MEIOSIN: variants seen among roughly 807,000 people sequenced by gnomAD.
The protein encoded by MEIOSIN is meiosis initiator protein.
In MEIOSIN, 18 loss-of-function variants were observed where a neutral mutation model predicts 23.4. The ratio of observed to expected loss-of-function variants is 0.77; its 90% CI spans 0.53 to 1.14. The LOEUF is 1.14. Among genes scored for constraint, MEIOSIN ranks in the 50% most tolerant of loss-of-function variants. The probability of loss-of-function intolerance (pLI) is 0.00; values close to 1 mark genes in which losing one functional copy is unlikely to be tolerated. For synonymous variants in MEIOSIN, 187 were observed against 100.6 expected (o/e 1.86, Z -5.14); for missense variants, 428 against 242.9 (o/e 1.76, Z -5.07).
intron 2 of MEIOSIN, among the ~76,000 whole-genome samples, chr19:45,737,878 C>T (rs558582300): frequency 2.6e-4 from 39 of 151,352 alleles, no homozygotes; most frequent in South Asian, 1.5e-3. Context: ...GCCGAGATCG[C>T]GCCATTGCAC....
chr19:45,762,638 AC>A (rs1968969858), intron 13 of MEIOSIN, among the ~76,000 whole-genome samples: 1 of 151,924 alleles, frequency 6.6e-6, no homozygotes, highest in African/African-American at 2.4e-5. Context: ...ACAGGGTTTC[AC>A]CATGTTGGCC....
At chr19:45,736,366 T>C (rs1968408140) in intron 2 of MEIOSIN, among the ~76,000 whole-genome samples, 1 of 151,996 alleles carries the variant, frequency 6.6e-6, no homozygotes, top group African/African-American at 2.4e-5. Context: ...CTTTCTTTCT[T>C]TCCTTTTTTT....
Position 45,758,863 on chromosome 19 carries a change from C to T in MEIOSIN, c.1013-15C>T, listed in dbSNP as rs1305526987. ...ATCTCTGGCCACACCCCTGAGTCTGCTGTTCCCTTTCCAGGGAGCCCACTG... is the reference window on the plus strand; with the variant it reads ...ATCTCTGGCCACACCCCTGAGTCTGTTGTTCCCTTTCCAGGGAGCCCACTG... On this transcript the variant is annotated splice_polypyrimidine_tract_variant and intron_variant, in intron 9 of 14. Transcript: ENST00000457052. 1 of 702,832 alleles carries T rather than the reference C, an allele frequency of 1.4e-6. No homozygotes were observed. The highest frequency in any genetic ancestry group is 2.0e-5 in the Admixed American group (1 of 50,028). 43.5% of individuals were successfully genotyped at this position (702,832 alleles called of 1,614,324 possible). A position where few individuals can be genotyped will look rare whatever the true frequency, so the allele number is the denominator to read the frequency against.
At chr19:45,735,621 A>G (rs1269617750) in intron 2 of MEIOSIN, among the ~76,000 whole-genome samples, 174 bp downstream of exon 2, 1 of 152,186 alleles carries the variant, frequency 6.6e-6, no homozygotes, top group Non-Finnish European at 1.5e-5. Flanking sequence ...AAAGATGCCT[A>G]CCATTTTCCA....
At chr19:45,740,646 A>G (rs777655885) in intron 3 of MEIOSIN, among the ~76,000 whole-genome samples, 34 of 151,942 alleles carry the variant, frequency 2.2e-4, no homozygotes, top group Non-Finnish European at 3.5e-4. Flanking sequence ...GCTACTCAGG[A>G]GGCTGAGGCA....
intron 1 of MEIOSIN, among the ~76,000 whole-genome samples, chr19:45,734,856 T>G (rs1444548752): frequency 6.6e-6 from 1 of 151,672 alleles, no homozygotes; most frequent in African/African-American, 2.4e-5. Context: ...GACTCTAAAG[T>G]ATTAGTTTTA....
At chr19:45,737,959 C>T (rs1039336399) in intron 2 of MEIOSIN, among the ~76,000 whole-genome samples, 7 of 151,798 alleles carry the variant, frequency 4.6e-5, no homozygotes, top group African/African-American at 1.7e-4. Context: ...TCTCACCATG[C>T]TGCCTACACT....
chr19:45,750,366 T>TTTTC (rs1968678343), intron 4 of MEIOSIN, among the ~76,000 whole-genome samples: 1 of 101,056 alleles, frequency 9.9e-6, no homozygotes, highest in South Asian at 3.5e-4. Flanking sequence ...TTTTCTTTTT[T>TTTTC]TTTTTTTTTT....
rs569168224 is a variant in MEIOSIN at position 45,763,961 on chromosome 19, G to A, written c.1770-10G>A. 7.8e-5 allele frequency: 31 copies of A among 398,712 alleles called. No homozygotes were observed. The highest frequency in any genetic ancestry group is 1.8e-4 in the Admixed American group (4 of 22,732). The allele number at this position is 398,712 out of a possible 1,614,324, so 24.7% of individuals were successfully genotyped here. On this transcript the variant is annotated splice_polypyrimidine_tract_variant and intron_variant, in intron 14 of 14. Transcript: ENST00000457052. ...GAGGAAGCCAGGCCATCCTGCCACC[G>A]TCTCCCCAGCACCAAGGCTCGCAGG... is the stretch of plus-strand genomic sequence containing the variant.
chr19:45,736,422 G>A (rs1968409066), intron 2 of MEIOSIN, among the ~76,000 whole-genome samples: 1 of 151,882 alleles, frequency 6.6e-6, no homozygotes, highest in South Asian at 2.1e-4. Context: ...GAGTGCAGTG[G>A]CGCGATCTTG....
At chr19:45,746,639 G>A (rs942452776) in intron 4 of MEIOSIN, among the ~76,000 whole-genome samples, 3 of 151,958 alleles carry the variant, frequency 2.0e-5, no homozygotes, top group African/African-American at 7.2e-5. Flanking sequence ...GGCCAACATG[G>A]TGAAACCCCG....
At chr19:45,743,944 A>G (rs1968547904) in intron 3 of MEIOSIN, among the ~76,000 whole-genome samples, 1 of 152,070 alleles carries the variant, frequency 6.6e-6, no homozygotes, top group Admixed American at 6.6e-5. Context: ...GATGTGAGCC[A>G]CCACACTCAG....
At chr19:45,736,862 C>T (rs1238145287) in intron 2 of MEIOSIN, among the ~76,000 whole-genome samples, 7 of 150,902 alleles carry the variant, frequency 4.6e-5, no homozygotes, top group African/African-American at 1.5e-4. Context: ...TGAGCCACTG[C>T]GCCCAGCCTT....
At position 45,739,275 on chromosome 19, in the gene MEIOSIN, C is replaced by T. The variant is rs961134453; in HGVS notation, c.72-351C>T. 6.6e-5 allele frequency among the ~76,000 whole-genome samples: 10 copies of T among 152,098 alleles called. No individual in the cohort carries two copies. The East Asian group carries it at 1.2e-3, about 18-fold the overall frequency. On this transcript the variant is annotated intron_variant, in intron 2 of 14. Coordinates refer to ENST00000457052, the MANE Select transcript of MEIOSIN (RefSeq NM_001310124.2). ...AAGGGATTCTCCTGCCTCAGCCTCC[C>T]GAGTAGCTGAGATTACAGACATGTG... is the stretch of plus-strand genomic sequence containing the variant.
chr19:45,751,053 G>A (rs1057482969), intron 5 of MEIOSIN, among the ~76,000 whole-genome samples: 4 of 151,962 alleles, frequency 2.6e-5, no homozygotes, highest in Admixed American at 1.3e-4. Flanking sequence ...CGGGCGGATC[G>A]CTTGAGGTCA....
In MEIOSIN at chr19:45,754,681, G is replaced by A. The variant is rs768979514; in HGVS notation, c.759G>A (p.Thr253=). Reference sequence around the variant, plus strand: ...GAAAAGGAGGACAGTCCCAGCTGACGCTGTTGGATCTGGCCGAGGACACCA... The same window carrying A: ...GAAAAGGAGGACAGTCCCAGCTGACACTGTTGGATCTGGCCGAGGACACCA... ...GDRKGGQSQL[T]LLDLAEDTIH... The change falls in exon 7 of 15, where the codon ACG becomes ACA. Residue 253 remains threonine (T), a synonymous_variant. Transcript: ENST00000457052. 2.3e-4 allele frequency: 159 copies of A among 703,078 alleles called. No homozygotes were observed. Among genetic ancestry groups the A allele is most frequent in the South Asian group, 4.3e-4 (29 of 67,606 alleles). 43.6% of individuals were successfully genotyped at this position (703,078 alleles called of 1,614,324 possible).
chr19:45,747,437 G>A (rs1327709781), intron 4 of MEIOSIN, among the ~76,000 whole-genome samples: 1 of 152,168 alleles, frequency 6.6e-6, no homozygotes. Flanking sequence ...TTCTCCCTCT[G>A]ACCATGAACA....
chr19:45,739,432 C>T lies in MEIOSIN; in HGVS notation c.72-194C>T, dbSNP rs146399679. Among the ~76,000 whole-genome samples, 308 of 152,228 alleles carry T rather than the reference C, an allele frequency of 2.0e-3. 3 individuals carry two copies. Among genetic ancestry groups the T allele is most frequent in the African/African-American group, 7.2e-3 (298 of 41,530 alleles). ...CCTCCCAAAGTGCTGGGATTACAGGCGTGAGTCATTGTGCTCAGCTGCAGG... is the reference window on the plus strand; with the variant it reads ...CCTCCCAAAGTGCTGGGATTACAGGTGTGAGTCATTGTGCTCAGCTGCAGG... On this transcript the variant is annotated intron_variant, in intron 2 of 14. Coordinates refer to ENST00000457052, the MANE Select transcript of MEIOSIN (RefSeq NM_001310124.2).
intron 3 of MEIOSIN, among the ~76,000 whole-genome samples, chr19:45,741,750 G>T (rs1968508505): frequency 6.6e-6 from 1 of 151,902 alleles, no homozygotes; most frequent in Admixed American, 6.6e-5. Context: ...TGCCCTCATG[G>T]AGTTCATATT....
Sources: gnomAD v4.1 joint callset for allele counts (sites outside exome capture counted in the v4.1 genomes callset) on GRCh38, gnomAD v4.1.1 for gene constraint, MANE v1.5 for transcripts, NCBI Gene and HGNC (gene_info 2026-07-23, HGNC 2026-07-21) for gene names.